OSBPL9: variants seen among roughly 807,000 people sequenced by gnomAD.
OSBPL9 encodes the protein oxysterol binding protein like 9.
Under a neutral mutation model 106.6 loss-of-function variants are expected in OSBPL9, and 40 were observed. The ratio of observed to expected loss-of-function variants is 0.38; its 90% confidence interval spans 0.29 to 0.49. The LOEUF (loss-of-function observed/expected upper bound fraction) is 0.49. Ranked by LOEUF, OSBPL9 falls within the 20% of genes least tolerant of loss-of-function variation. OSBPL9 has a pLI of 0.97. For missense variants in OSBPL9, 609 were observed against 887.2 expected (o/e 0.69, Z 3.98); for synonymous variants, 269 against 295.4 (o/e 0.91, Z 0.92).
intron 1 of OSBPL9, among the ~76,000 whole-genome samples, chr1:51,645,480 T>G (rs145707684): frequency 1.8e-3 from 277 of 152,102 alleles, no homozygotes; most frequent in South Asian, 4.6e-3. Context: ...TTTGTTTGTT[T>G]GGTTGGTTTT....
At position 51,677,867 on chromosome 1, in the gene OSBPL9, G is replaced by C. The variant is rs1651652037; in HGVS notation, c.241+8355G>C. On this transcript the variant is annotated intron_variant, in intron 3 of 23. Transcript: ENST00000428468. ...CCTGGCTACAGAGAACATTTTTTAA[G>C]CAGTGTGTTCTCAAAAATAATTTCA... Among the ~76,000 whole-genome samples the C allele has an allele frequency of 2.6e-5, 4 of 151,898 alleles. No homozygotes were observed. The South Asian group carries it at 8.3e-4, about 32-fold the overall frequency.
chr1:51,637,066 T>G (rs1050385630), intron 1 of OSBPL9, among the ~76,000 whole-genome samples: 2 of 152,120 alleles, frequency 1.3e-5, no homozygotes, highest in African/African-American at 4.8e-5. Flanking sequence ...ATTAACCAGG[T>G]TTATAGTGAC....
intron 1 of OSBPL9, among the ~76,000 whole-genome samples, chr1:51,650,400 A>G (rs530198386): frequency 6.6e-6 from 1 of 152,270 alleles, no homozygotes; most frequent in African/African-American, 2.4e-5. Flanking sequence ...TTTCCTTTAC[A>G]CTTGAAGGGA....
chr1:51,573,880 A>ATAC (rs1645167996), upstream of OSBPL9: 1 of 148,246 alleles, frequency 6.7e-6, no homozygotes, highest in Non-Finnish European at 1.5e-5. Context: ...CAGTTGTATA[A>ATAC]AAGTCAGAAT....
At chr1:51,583,700 C>T (rs983575316) in intron 1 of OSBPL9, 2 of 152,214 alleles carry the variant, frequency 1.3e-5, no homozygotes, top group Admixed American at 6.6e-5. Context: ...ACTTATCAGT[C>T]GGGGGCCTGA....
intron 4 of OSBPL9, among the ~76,000 whole-genome samples, chr1:51,726,988 A>T (rs1264733129): frequency 6.6e-6 from 1 of 152,240 alleles, no homozygotes; most frequent in Non-Finnish European, 1.5e-5. Context: ...ACAAATAGCT[A>T]TCTGTAGTAT....
intron 16 of OSBPL9, 83 bp from the exon 17 acceptor site, chr1:51,782,476 A>ATC: frequency 9.8e-7 from 1 of 1,020,874 alleles, no homozygotes; most frequent in Non-Finnish European, 1.4e-6. Flanking sequence ...GTGTAGAGCG[A>ATC]GCAGAGACCC....
intron 3 of OSBPL9, among the ~76,000 whole-genome samples, chr1:51,701,231 C>T (rs1354280077): frequency 2.0e-5 from 3 of 152,226 alleles, no homozygotes; most frequent in African/African-American, 7.2e-5. Flanking sequence ...TGAGCCACCG[C>T]GCCCGGCCCA....
At chr1:51,519,214 C>A in the OSBPL9 span, 3 of 1,348,256 alleles carry the variant, frequency 2.2e-6, no homozygotes, top group Admixed American at 2.7e-5. Flanking sequence ...TCAGAGAGAG[C>A]TGGGCCGCCG....
chr1:51,697,453 CTTTTT>C (rs759965779), intron 3 of OSBPL9, among the ~76,000 whole-genome samples: 15 of 103,162 alleles, frequency 1.5e-4, no homozygotes, highest in Non-Finnish European at 2.8e-4. Flanking sequence ...ATAGGGGTTA[CTTTTT>C]TTTTTTTTTT....
rs1663874539 is a variant in OSBPL9 at position 51,729,721 on chromosome 1, C to A, written c.318+15642C>A. The A allele has an allele frequency of 9.3e-6, 8 of 859,090 alleles. No homozygotes were observed. In the South Asian group the frequency reaches 3.0e-4, roughly 33 times the overall value. The allele number at this position is 859,090 out of a possible 1,614,324, so 53.2% of individuals were successfully genotyped here. ...ACCTCCTACAGCAGGTGACCCATGGCCAATCGCCAGGGGTCTCTTTGCCAG... is the reference window on the plus strand; with the variant it reads ...ACCTCCTACAGCAGGTGACCCATGGACAATCGCCAGGGGTCTCTTTGCCAG... On this transcript the variant is annotated intron_variant, in intron 4 of 23. Transcript: ENST00000428468. This position sits in a 1 kb window ranked among gnomAD's most constrained non-coding sequence, Gnocchi z 5.1.
Position 51,617,152 on chromosome 1 carries a change from C to T in OSBPL9, c.42C>T (p.Asn14=). 1 of 1,613,210 alleles carries T rather than the reference C, an allele frequency of 6.2e-7. No homozygotes were observed. Among genetic ancestry groups the T allele is most frequent in the Non-Finnish European group, 8.5e-7 (1 of 1,179,576 alleles). The change falls in exon 1 of 24, where the codon AAC becomes AAT. Residue 14 remains asparagine (N), a synonymous_variant. Transcript: ENST00000428468. ...IMEGPLSKWT[N]VMKGWQYRWF... is the part of the protein sequence containing the mutation. Reference sequence around the variant, plus strand: ...AAGGGCCGCTGAGCAAATGGACTAACGTGATGAAGGGCTGGCAGTACCGTT... The same window carrying T: ...AAGGGCCGCTGAGCAAATGGACTAATGTGATGAAGGGCTGGCAGTACCGTT...
chr1:51,778,278 G>T (rs183750696), intron 15 of OSBPL9, among the ~76,000 whole-genome samples: 1 of 152,136 alleles, frequency 6.6e-6, no homozygotes, highest in Admixed American at 6.5e-5. Flanking sequence ...AACAAAGGGG[G>T]CATGTAGAAA....
rs1288694154 is a variant in OSBPL9, at chr1:51,746,716, G to A, written c.421G>A (p.Asp141Asn). The change falls in exon 6 of 24, where the codon GAT becomes AAT. Residue 141 changes from aspartate (D) to asparagine (N), a missense_variant. By Grantham distance (23) the Asp-to-Asn change is conservative. This residue lies in a region of OSBPL9 where 356 missense variants were observed against 505.8 expected (regional missense o/e 0.70). Transcript: ENST00000428468. ...QILIEQLKLF[D>N]DKLQNCKEDE... ...ATTTTTTAAAATCTTGTAGCTTTTT[G>A]ATGACAAGCTTCAAAACTGCAAAGA... The A allele has an allele frequency of 1.2e-6, 2 of 1,607,988 alleles. No homozygotes were observed. Among genetic ancestry groups the A allele is most frequent in the Non-Finnish European group, 1.7e-6 (2 of 1,176,956 alleles).
intron 3 of OSBPL9, among the ~76,000 whole-genome samples, chr1:51,687,507 TAA>T (rs1483269977): frequency 6.6e-6 from 1 of 152,098 alleles, no homozygotes; most frequent in Non-Finnish European, 1.5e-5. Context: ...ACAGAAGAGA[TAA>T]TGTTTGATGT....
chr1:51,679,242 A>T (rs1457398997), intron 3 of OSBPL9, among the ~76,000 whole-genome samples: 4 of 152,182 alleles, frequency 2.6e-5, no homozygotes, highest in African/African-American at 9.7e-5. Context: ...TAATCTTTCC[A>T]GGTTTAACTA....
intron 2 of OSBPL9, among the ~76,000 whole-genome samples, chr1:51,665,886 G>A (rs1274517114): frequency 2.6e-5 from 4 of 151,896 alleles, no homozygotes; most frequent in African/African-American, 4.8e-5. Flanking sequence ...TTAGAGTCTC[G>A]CTCTGTCACC....
the OSBPL9 span, among the ~76,000 whole-genome samples, chr1:51,556,189 C>G: frequency 3.3e-5 from 5 of 152,156 alleles, no homozygotes; most frequent in African/African-American, 1.2e-4. Flanking sequence ...GTAAAGCACA[C>G]TGTCTAGCAG....
chr1:51,713,163 A>G (rs953913694), intron 3 of OSBPL9, among the ~76,000 whole-genome samples: 11 of 151,420 alleles, frequency 7.3e-5, no homozygotes, highest in Admixed American at 7.2e-4. Flanking sequence ...TTATTTATTT[A>G]TTTTGAGACA....
Sources: gnomAD v4.1 joint callset for allele counts (sites outside exome capture counted in the v4.1 genomes callset) on GRCh38, gnomAD v4.1.1 for gene constraint, gnomAD v4.1.1 regional missense constraint, Gnocchi (gnomAD v3.1) non-coding constraint, MANE v1.5 for transcripts, NCBI Gene and HGNC (gene_info 2026-07-23, HGNC 2026-07-21) for gene names.